The following SPIDR variants were observed in gnomAD, a reference collection of about 807,000 sequenced individuals.
SPIDR encodes DNA repair-scaffolding protein.
In SPIDR, 93 loss-of-function variants were observed where a neutral mutation model predicts 104.6. That is an observed-to-expected ratio of 0.89 (90% confidence interval 0.75 to 1.06). The LOEUF (loss-of-function observed/expected upper bound fraction) is 1.06. Ranked by LOEUF, SPIDR falls within the 50% of genes least tolerant of loss-of-function variation. The probability of loss-of-function intolerance (pLI) is 0.00; values close to 1 mark genes in which losing one functional copy is unlikely to be tolerated. For missense variants in SPIDR, 1,154 were observed against 1,111.2 expected, an observed-to-expected ratio of 1.04 and a Z score of -0.55; for synonymous variants, 431 against 416.9, an observed-to-expected ratio of 1.03 and a Z score of -0.41.
chr8:47,643,517 GTT>G (rs2069594779), intron 10 of SPIDR, among the ~76,000 whole-genome samples: 2 of 17,464 alleles, frequency 1.1e-4, no homozygotes, highest in African/African-American at 2.4e-4. Context: ...CCTGGCTAGT[GTT>G]GTTGTTGTTG....
chr8:47,573,597 G>A (rs1171249453), intron 8 of SPIDR, among the ~76,000 whole-genome samples: 2 of 152,196 alleles, frequency 1.3e-5, no homozygotes, highest in African/African-American at 4.8e-5. Context: ...GTAAGTTGGA[G>A]GAGAAGCAAA....
At chr8:47,603,915 T>G (rs1382432862) in intron 10 of SPIDR, among the ~76,000 whole-genome samples, 1 of 152,236 alleles carries the variant, frequency 6.6e-6, no homozygotes, top group African/African-American at 2.4e-5. Flanking sequence ...CTTTTTGGTC[T>G]TTTGGCCTTT....
intron 11 of SPIDR, among the ~76,000 whole-genome samples, chr8:47,678,238 T>A (rs2076678580): frequency 6.6e-6 from 1 of 152,144 alleles, no homozygotes; most frequent in Non-Finnish European, 1.5e-5. Context: ...GATTTTGCAT[T>A]GGTTCCAGAG....
At chr8:47,623,770 C>G (rs2065530313) in intron 10 of SPIDR, among the ~76,000 whole-genome samples, 1 of 152,238 alleles carries the variant, frequency 6.6e-6, no homozygotes, top group East Asian at 1.9e-4. Context: ...GACTTAGACT[C>G]CCACACAATA....
chr8:47,514,389 G>A (rs183459264), intron 8 of SPIDR, among the ~76,000 whole-genome samples: 6 of 152,322 alleles, frequency 3.9e-5, no homozygotes, highest in Admixed American at 6.5e-5. Context: ...TCACTGCTCT[G>A]TGTTGGTGCT....
chr8:47,728,881 C>T, intron 17 of SPIDR, 52 bp from the exon 18 acceptor site: 1 of 1,565,088 alleles, frequency 6.4e-7, no homozygotes. Context: ...CTGGAGCTTT[C>T]CTGACTTGTG....
intron 18 of SPIDR, 173 bp from the exon 19 acceptor site, chr8:47,729,239 T>C (rs914425325): frequency 8.3e-6 from 12 of 1,440,558 alleles, no homozygotes; most frequent in Non-Finnish European, 1.1e-5. Context: ...ATGCACCCTA[T>C]GTGAACACAG....
chr8:47,362,664 G>C (rs1026762248), intron 5 of SPIDR, among the ~76,000 whole-genome samples: 9 of 152,130 alleles, frequency 5.9e-5, no homozygotes, highest in African/African-American at 2.2e-4. Context: ...GTTTTGTTTT[G>C]TTTTTCGAGA....
At chr8:47,596,360 A>G (rs949873324) in intron 9 of SPIDR, among the ~76,000 whole-genome samples, 2 of 152,216 alleles carry the variant, frequency 1.3e-5, no homozygotes, top group African/African-American at 4.8e-5. Context: ...ACAAACCTAG[A>G]TGGTCCAGCC....
intron 8 of SPIDR, among the ~76,000 whole-genome samples, chr8:47,441,341 T>C (rs555617621): frequency 6.6e-6 from 1 of 152,086 alleles, no homozygotes; most frequent in Non-Finnish European, 1.5e-5. Flanking sequence ...ATTGGAAATA[T>C]GATGTTTATC....
intron 8 of SPIDR, among the ~76,000 whole-genome samples, chr8:47,514,257 C>G (rs1404624098): frequency 6.6e-6 from 1 of 152,060 alleles, no homozygotes; most frequent in Non-Finnish European, 1.5e-5. Flanking sequence ...ATAGAAATGA[C>G]TGCTAGATTG....
At chr8:47,261,634 T>C (rs777933398) in intron 1 of SPIDR, among the ~76,000 whole-genome samples, 5 of 152,252 alleles carry the variant, frequency 3.3e-5, no homozygotes, top group Non-Finnish European at 5.9e-5. Context: ...AATACGTTTG[T>C]CTCATAGTAA....
intron 1 of SPIDR, among the ~76,000 whole-genome samples, chr8:47,269,384 A>G (rs1168097277): frequency 1.3e-5 from 2 of 151,448 alleles, no homozygotes; most frequent in African/African-American, 4.9e-5. Flanking sequence ...CAGCCTCCTG[A>G]GTAGTTGGGA....
chr8:47,433,656 G>T (rs1381565768), intron 7 of SPIDR, among the ~76,000 whole-genome samples: 1 of 152,208 alleles, frequency 6.6e-6, no homozygotes, highest in Non-Finnish European at 1.5e-5. Flanking sequence ...CAAATCATTT[G>T]ACCTAAGTCT....
chr8:47,564,022 T>C (rs1328001733), intron 8 of SPIDR, among the ~76,000 whole-genome samples: 1 of 152,102 alleles, frequency 6.6e-6, no homozygotes, highest in Non-Finnish European at 1.5e-5. Flanking sequence ...TTAGCCATTA[T>C]TTAGTCCCTT....
At chr8:47,315,376 A>G (rs587670069) in intron 5 of SPIDR, among the ~76,000 whole-genome samples, 1 of 152,264 alleles carries the variant, frequency 6.6e-6, no homozygotes, top group East Asian at 1.9e-4. Context: ...CTCTGTAACT[A>G]CAGTAGAATT....
At chr8:47,589,244 G>T (rs2060689941) in intron 8 of SPIDR, among the ~76,000 whole-genome samples, 1 of 151,888 alleles carries the variant, frequency 6.6e-6, no homozygotes, top group South Asian at 2.1e-4. Flanking sequence ...AATTTGGCCG[G>T]GCATGGTGGC....
intron 17 of SPIDR, 68 bp downstream of exon 17, chr8:47,727,361 A>C (rs1469543446): frequency 6.9e-7 from 1 of 1,446,526 alleles, no homozygotes; most frequent in African/African-American, 1.4e-5. Flanking sequence ...CAGCCCCAGA[A>C]CCTGGGCCTT....
At chr8:47,508,282 G>T (rs1478407442) in intron 8 of SPIDR, among the ~76,000 whole-genome samples, 2 of 152,152 alleles carry the variant, frequency 1.3e-5, no homozygotes, top group Non-Finnish European at 2.9e-5. Flanking sequence ...CTGTTTTCCT[G>T]CTATTGGGAT....
Sources: allele counts gnomAD v4.1 joint callset (sites outside exome capture counted in the v4.1 genomes callset), GRCh38; gene constraint gnomAD v4.1.1; transcripts MANE v1.5; gene names NCBI Gene and HGNC (gene_info 2026-07-23, HGNC 2026-07-21).